Variants in NKTR observed in about 807,000 individuals in gnomAD.
The protein encoded by NKTR is NK-tumor recognition protein.
Under a neutral mutation model 156.3 loss-of-function variants are expected in NKTR, and 67 were observed. That is an observed-to-expected ratio of 0.43 (90% CI 0.35 to 0.53). The LOEUF (loss-of-function observed/expected upper bound fraction) is 0.53. Ranked by LOEUF, NKTR falls within the 20% of genes least tolerant of loss-of-function variation. The pLI is 0.01. For synonymous variants in NKTR, 640 were observed against 596.6 expected, an observed-to-expected ratio of 1.07 and a Z score of -1.06; for missense variants, 1,604 against 1,730.9, an observed-to-expected ratio of 0.93 and a Z score of 1.30.
Position 42,646,084 on chromosome 3 carries a change from A to G in NKTR, c.*109A>G. The G allele has an allele frequency of 1.4e-6, 1 of 716,208 alleles. No individual in the cohort carries two copies. The highest frequency in any genetic ancestry group is 2.4e-6 in the Non-Finnish European group (1 of 413,590). The allele number at this position is 716,208 out of a possible 1,614,324, so 44.4% of individuals were successfully genotyped here. A position where few individuals can be genotyped will look rare whatever the true frequency, so the allele number is the denominator to read the frequency against. On this transcript the variant is annotated 3_prime_UTR_variant, in exon 17 of 17. Transcript: ENST00000232978. ...TTCAATATCAGAGGTGAATTTCAAA[A>G]ATAGACACTTCTTAATTGTTACTGG...
chr3:42,639,438 C>T lies in NKTR; in HGVS notation c.3734C>T (p.Ala1245Val). ...GCACCTAATGCTGCCACATCCAGTGCTGTGGAAGTTAAGGTGTTGACCACT... is the reference window on the plus strand; with the variant it reads ...GCACCTAATGCTGCCACATCCAGTGTTGTGGAAGTTAAGGTGTTGACCACT... ...LAAPNAATSS[A>V]VEVKVLTTVP... Residue 1245 changes from alanine to valine, a missense_variant, in exon 13 of 17, where the codon GCT (alanine) becomes GTT (valine). By Grantham distance (64) the Ala-to-Val change is moderately conservative. This residue lies in a region of NKTR where 1,255 missense variants were observed against 1,243.7 expected (regional missense o/e 1.01). Coordinates refer to ENST00000232978, the MANE Select transcript of NKTR (RefSeq NM_005385.4). The T allele has an allele frequency of 6.2e-7, 1 of 1,614,028 alleles. No individual in the cohort carries two copies. Among genetic ancestry groups the T allele is most frequent in the Non-Finnish European group, 8.5e-7 (1 of 1,179,862 alleles).
chr3:42,623,651 A>G (rs909438758), intron 6 of NKTR: 2 of 152,136 alleles, frequency 1.3e-5, no homozygotes, highest in Non-Finnish European at 2.9e-5. Flanking sequence ...AGTTGAAAGT[A>G]TTAAAAAAAA....
chr3:42,603,449 C>G (rs575072348), intron 2 of NKTR, among the ~76,000 whole-genome samples: 1 of 150,208 alleles, frequency 6.7e-6, no homozygotes, highest in Non-Finnish European at 1.5e-5. Context: ...AGTAAATGTT[C>G]AGATCCTAGA....
chr3:42,607,364 G>C (rs1384099231), intron 2 of NKTR, among the ~76,000 whole-genome samples: 3 of 152,156 alleles, frequency 2.0e-5, no homozygotes, highest in African/African-American at 7.2e-5. Context: ...CCAAACCATA[G>C]GTGAAAAGTT....
intron 9 of NKTR, 183 bp from the exon 10 acceptor site, chr3:42,633,397 A>G: frequency 7.3e-7 from 1 of 1,368,538 alleles, no homozygotes; most frequent in South Asian, 1.8e-5. Context: ...TCCTATCAAA[A>G]TTCTAGTCTT....
chr3:42,632,061 C>CTTTTTTT (rs564114469), intron 8 of NKTR, among the ~76,000 whole-genome samples: 4 of 86,516 alleles, frequency 4.6e-5, no homozygotes, highest in Non-Finnish European at 6.3e-5. Context: ...TTATGCAATT[C>CTTTTTTT]TTTTTTTTTT....
chr3:42,635,057 T>TAAA (rs58779310), intron 11 of NKTR, 164 bp from the exon 12 acceptor site: 23 of 286,732 alleles, frequency 8.0e-5, no homozygotes, highest in Admixed American at 2.6e-4. Context: ...AGTTAAAAAC[T>TAAA]AAAAAAAAAA....
rs1247297554 is a variant in NKTR at position 42,638,423 on chromosome 3, T to A, written c.2719T>A (p.Ser907Thr). 3.1e-6 allele frequency: 5 copies of A among 1,613,590 alleles called. No individual in the cohort carries two copies. Among genetic ancestry groups the A allele is most frequent in the Non-Finnish European group, 4.2e-6 (5 of 1,179,874 alleles). The change falls in exon 13 of 17, where the codon TCT (serine) becomes ACT (threonine). Residue 907 changes from serine (S) to threonine (T), a missense_variant. Physicochemically the swap from Ser to Thr is moderately conservative, Grantham distance 58 (BLOSUM62 1). Around this residue, in one of 6 missense-constraint regions of NKTR, gnomAD observed 1,255 missense variants for 1,243.7 expected, o/e 1.01. Coordinates refer to ENST00000232978, the MANE Select transcript of NKTR (RefSeq NM_005385.4). Reference protein sequence around the residue: ...KNSKNDSHPSSDKEEGEATSD... With the variant: ...KNSKNDSHPSTDKEEGEATSD... The stretch of plus-strand genomic sequence containing the variant: ...CAGTAAAAATGACTCCCATCCATCC[T>A]CTGACAAGGAAGAAGGTGAGGCCAC...
chr3:42,618,645 A>G (rs1707624615), intron 3 of NKTR, among the ~76,000 whole-genome samples: 1 of 151,370 alleles, frequency 6.6e-6, no homozygotes, highest in Admixed American at 6.6e-5. Context: ...GCAGAATTTC[A>G]CCCTGTTGGC....
chr3:42,646,127 A>T lies in NKTR; in HGVS notation c.*152A>T, dbSNP rs1210843998. 11 of 491,158 alleles carry T rather than the reference A, an allele frequency of 2.2e-5. No homozygotes were observed. In the Admixed American group the frequency reaches 3.9e-4, roughly 17 times the overall value. 30.4% of individuals were successfully genotyped at this position (491,158 alleles called of 1,614,324 possible). On this transcript the variant is annotated 3_prime_UTR_variant, in exon 17 of 17. Transcript: ENST00000232978. Reference sequence around the variant, plus strand: ...GTTACTGGTTCATTTACATGTGGGGAGAAGAATTTAAAATACAGATATGTC... The same window carrying T: ...GTTACTGGTTCATTTACATGTGGGGTGAAGAATTTAAAATACAGATATGTC...
rs556810525 is a variant in NKTR at position 42,631,084 on chromosome 3, C to G, written c.405-87C>G. 22 of 1,540,450 alleles carry G rather than the reference C, an allele frequency of 1.4e-5. No individual in the cohort carries two copies. In the African/African-American group the frequency reaches 2.6e-4, roughly 18 times the overall value. The stretch of plus-strand genomic sequence containing the variant: ...TTGGTTTTATTTTCAGGTCTGTGGA[C>G]ATGTCATTGATTACAGTTAATTGTC... On this transcript the variant is annotated intron_variant, in intron 7 of 16. Coordinates refer to ENST00000232978, the MANE Select transcript of NKTR (RefSeq NM_005385.4).
At chr3:42,635,098 T>C in intron 11 of NKTR, 123 bp from the exon 12 acceptor site, 1 of 614,352 alleles carries the variant, frequency 1.6e-6, no homozygotes, top group Non-Finnish European at 2.6e-6. Context: ...ACCATCCTTT[T>C]GGTAACTTCA....
Position 42,638,589 on chromosome 3 carries a change from G to A in NKTR, c.2885G>A (p.Gly962Glu). ...KQRTSTSDSEGSCSNSENNRG... is the reference protein window; with the variant it reads ...KQRTSTSDSEESCSNSENNRG... ...CGCACATCAACTTCTGACTCTGAGG[G>A]GTCCTGTTCCAATTCGGAAAACAAT... The change falls in exon 13 of 17, where the codon GGG (glycine) becomes GAG (glutamate). Residue 962 changes from glycine (G) to glutamate (E), a missense_variant. Around this residue, in one of 6 missense-constraint regions of NKTR, gnomAD observed 1,255 missense variants for 1,243.7 expected, o/e 1.01. Transcript: ENST00000232978. The A allele has an allele frequency of 6.2e-7, 1 of 1,613,960 alleles. No individual in the cohort carries two copies.
rs776122892 is a variant in NKTR at position 42,633,747 on chromosome 3, G to T, written c.929+12G>T. On this transcript the variant is annotated intron_variant, in intron 10 of 16. Coordinates refer to ENST00000232978, the MANE Select transcript of NKTR (RefSeq NM_005385.4). Reference sequence around the variant, plus strand: ...GCAGAACCTGAACCGTAAGTAGGATGACTAAACTATTTATTTTTATTTCTC... The same window carrying T: ...GCAGAACCTGAACCGTAAGTAGGATTACTAAACTATTTATTTTTATTTCTC... The T allele has an allele frequency of 1.9e-6, 3 of 1,613,608 alleles. No individual in the cohort carries two copies. In the South Asian group the frequency reaches 3.3e-5, roughly 18 times the overall value.
chr3:42,619,783 G>A, intron 5 of NKTR, 75 bp downstream of exon 5: 1 of 1,575,726 alleles, frequency 6.3e-7, no homozygotes, highest in South Asian at 1.2e-5. Flanking sequence ...CTTTTAATGA[G>A]AAGAGGTTTA....
At chr3:42,600,951 T>TGCCCTCGCCCCCGCCCTCGCCCCA in intron 1 of NKTR, 33 bp from the exon 2 acceptor site, 2 of 1,135,842 alleles carry the variant, frequency 1.8e-6, no homozygotes, top group Non-Finnish European at 2.5e-6. Flanking sequence ...CCCTCGCCCC[T>TGCCCTCGCCCCCGCCCTCGCCCCA]GCCCTGACCG....
At position 42,639,625 on chromosome 3, in the gene NKTR, T is replaced by C. The variant is rs937936409; in HGVS notation, c.3921T>C (p.Asp1307=). ...ATGAGCAGACGCCTAGTCGGGATGA[T>C]GATAGCCAGTCCAGGAGTCCAAGTA... The part of the protein sequence containing the change: ...SSDEQTPSRD[D]DSQSRSPSRS... The change falls in exon 13 of 17, where the codon GAT becomes GAC. Residue 1307 remains aspartate, a synonymous_variant. Transcript: ENST00000232978. 3 of 1,614,166 alleles carry C rather than the reference T, an allele frequency of 1.9e-6. No homozygotes were observed. The Admixed American group carries it at 5.0e-5, about 27-fold the overall frequency.
intron 6 of NKTR, among the ~76,000 whole-genome samples, chr3:42,624,246 G>T (rs960571459): frequency 1.3e-5 from 2 of 151,462 alleles, no homozygotes; most frequent in Non-Finnish European, 1.5e-5. Context: ...TTTTGCTCTC[G>T]GGGGTCTATA....
At chr3:42,641,940 A>G (rs1709926650) in intron 13 of NKTR, among the ~76,000 whole-genome samples, 1 of 151,784 alleles carries the variant, frequency 6.6e-6, no homozygotes, top group Admixed American at 6.6e-5. Flanking sequence ...CTATGTCCCA[A>G]AGTTAACCAT....
Sources: allele counts gnomAD v4.1 joint callset (sites outside exome capture counted in the v4.1 genomes callset), GRCh38; gene constraint gnomAD v4.1.1; regional missense constraint gnomAD v4.1.1; transcripts MANE v1.5; gene names NCBI Gene and HGNC (gene_info 2026-07-23, HGNC 2026-07-21).